Variants in HIP1 observed in about 807,000 individuals in gnomAD.
HIP1 encodes the protein huntingtin-interacting protein 1.
In HIP1, 65 loss-of-function variants were observed where a neutral mutation model predicts 147.6. The observed-to-expected ratio is 0.44, with a 90% CI of 0.36 to 0.54. The LOEUF (loss-of-function observed/expected upper bound fraction) is 0.54, where lower values mean the gene tolerates loss of function less well. Among genes scored for constraint, HIP1 ranks in the 20% least tolerant of loss-of-function variants. The pLI is 0.00. For synonymous variants in HIP1, 479 were observed against 504.0 expected (o/e 0.95, Z 0.67); for missense variants, 1,061 against 1,299.6 (o/e 0.82, Z 2.82).
chr7:75,630,977 A>G (rs1407838153), intron 1 of HIP1, among the ~76,000 whole-genome samples: 2 of 152,114 alleles, frequency 1.3e-5, no homozygotes, highest in African/African-American at 2.4e-5. Flanking sequence ...TTTTTTAGAC[A>G]GGGTCCTGCT....
chr7:75,639,197 C>A, intron 1 of HIP1: 1 of 980,490 alleles, frequency 1.0e-6, no homozygotes, highest in Non-Finnish European at 1.2e-6. Flanking sequence ...CGGACCGGGG[C>A]AGGCGGCGGC....
chr7:75,629,242 G>A (rs939789017), intron 1 of HIP1, among the ~76,000 whole-genome samples: 4 of 152,156 alleles, frequency 2.6e-5, no homozygotes, highest in Admixed American at 6.5e-5. Flanking sequence ...GCGTAAACCC[G>A]TTGGCCAGAA....
intron 2 of HIP1, among the ~76,000 whole-genome samples, chr7:75,595,607 G>T (rs1445365915): frequency 1.3e-5 from 2 of 152,032 alleles, no homozygotes; most frequent in Admixed American, 6.6e-5. Context: ...GCCTCCCAAA[G>T]TTCTGGGATT....
At chr7:75,592,169 G>T in intron 3 of HIP1, 57 bp from the exon 4 acceptor site, 1 of 1,548,874 alleles carries the variant, frequency 6.5e-7, no homozygotes. Context: ...AAGACAAAGG[G>T]AAGGAGGATG....
chr7:75,606,930 C>T (rs924471395), intron 1 of HIP1, among the ~76,000 whole-genome samples: 37 of 152,008 alleles, frequency 2.4e-4, no homozygotes, highest in African/African-American at 8.5e-4. Context: ...ATCTCTTAGG[C>T]TTAGAAAGGC....
At chr7:75,701,808 A>T (rs782291422) in intron 1 of HIP1, among the ~76,000 whole-genome samples, 22 of 152,100 alleles carry the variant, frequency 1.4e-4, no homozygotes, top group Non-Finnish European at 2.9e-4. Flanking sequence ...AGCTATGATC[A>T]CACCACTGCA....
chr7:75,661,524 G>T lies in HIP1; in HGVS notation c.121-62277C>A, dbSNP rs1489164690. On this transcript the variant is annotated intron_variant, in intron 1 of 30. Coordinates refer to ENST00000336926, the MANE Select transcript of HIP1 (RefSeq NM_005338.7). ...GGAGGCGGAGGTTGCAGTGAGCCGA[G>T]ATCATGCCGCTGCACTCCAGCCTGG... Among the ~76,000 whole-genome samples the T allele has an allele frequency of 2.2e-5, 3 of 136,968 alleles. No individual in the cohort carries two copies. The East Asian group carries it at 6.8e-4, about 31-fold the overall frequency. The allele number at this position is 136,968 out of a possible 152,430, so 89.9% of individuals were successfully genotyped here.
intron 1 of HIP1, among the ~76,000 whole-genome samples, chr7:75,647,717 C>T (rs1384267907): frequency 6.6e-6 from 1 of 152,234 alleles, no homozygotes; most frequent in African/African-American, 2.4e-5. Context: ...CTGGCAGCAG[C>T]TGGTTGGTCT....
chr7:75,722,585 AGTAT>A (rs1554521698), intron 1 of HIP1, among the ~76,000 whole-genome samples: 1 of 152,138 alleles, frequency 6.6e-6, no homozygotes, highest in African/African-American at 2.4e-5. Flanking sequence ...AGCCTGAGTA[AGTAT>A]CCGGATGCGG....
chr7:75,541,146 C>T (rs931221352), intron 29 of HIP1, among the ~76,000 whole-genome samples: 1 of 151,832 alleles, frequency 6.6e-6, no homozygotes, highest in Admixed American at 6.6e-5. Context: ...CCTGTAATCC[C>T]AGCACTTTGG....
chr7:75,694,504 T>TC (rs1554518559), intron 1 of HIP1, among the ~76,000 whole-genome samples: 2 of 132,604 alleles, frequency 1.5e-5, no homozygotes, highest in African/African-American at 6.2e-5. Flanking sequence ...TTTCTTTCTT[T>TC]CTTTTTTTTT....
intron 1 of HIP1, among the ~76,000 whole-genome samples, chr7:75,713,165 G>A (rs782425838): frequency 2.6e-5 from 4 of 152,206 alleles, no homozygotes; most frequent in South Asian, 2.1e-4. Context: ...GAACCTGGCC[G>A]GCAGTGGGCG....
At chr7:75,667,993 C>T (rs528166975) in intron 1 of HIP1, among the ~76,000 whole-genome samples, 1 of 152,144 alleles carries the variant, frequency 6.6e-6, no homozygotes, top group Non-Finnish European at 1.5e-5. Context: ...ATATCTCAAG[C>T]CCCTGTATTT....
intron 1 of HIP1, among the ~76,000 whole-genome samples, chr7:75,621,158 G>A (rs1554507039): frequency 1.3e-5 from 2 of 152,136 alleles, no homozygotes; most frequent in Non-Finnish European, 2.9e-5. Context: ...AGTGAGCTAC[G>A]ATAGGGCCAC....
rs71098042 is a variant in HIP1 at position 75,616,085 on chromosome 7, C to CAAAAAAAA, written c.121-16846_121-16839dup. ...TGGGCGACAGAGTAAGACTCTGTCT[C>CAAAAAAAA]AAAAAAAAAAAAAAAAAAAAAGAAA... On this transcript the variant is annotated intron_variant, in intron 1 of 30. Transcript: ENST00000336926. Among the ~76,000 whole-genome samples the CAAAAAAAA allele has an allele frequency of 8.8e-3, 312 of 35,302 alleles. 43 individuals carry two copies. Among genetic ancestry groups the CAAAAAAAA allele is most frequent in the African/African-American group, 0.015 (128 of 8,564 alleles). The allele number at this position is 35,302 out of a possible 152,430, so 23.2% of individuals were successfully genotyped here. A position where few individuals can be genotyped will look rare whatever the true frequency, so the allele number is the denominator to read the frequency against.
At chr7:75,711,852 G>A (rs1554520162) in intron 1 of HIP1, among the ~76,000 whole-genome samples, 1 of 152,144 alleles carries the variant, frequency 6.6e-6, no homozygotes, top group East Asian at 1.9e-4. Context: ...GAGAGAGAGG[G>A]CTCCTCCACC....
chr7:75,616,584 G>GGGA (rs782489721), intron 1 of HIP1, among the ~76,000 whole-genome samples: 5,246 of 146,020 alleles, frequency 0.036, 172 homozygotes, highest in African/African-American at 0.087. Flanking sequence ...TTTAAGGGTG[G>GGGA]GGAGGAGGAG....
chr7:75,716,266 C>T (rs963442186), intron 1 of HIP1, among the ~76,000 whole-genome samples: 3 of 151,952 alleles, frequency 2.0e-5, no homozygotes, highest in South Asian at 4.2e-4. Flanking sequence ...CTTGCTCTGT[C>T]GCCCAGGCTG....
Position 75,546,939 on chromosome 7 carries a change from C to G in HIP1, c.2559G>C (p.Arg853Ser), listed in dbSNP as rs1337999677. ...DLQREIVESG[R>S]GTASPKEFYA... ...GCCCAGGGCCCACACCCACGCTCAC[C>G]CTGCCGCTCTCCACAATCTCTCTCT... Residue 853 changes from arginine (R) to serine (S), a missense_variant and splice_region_variant, in exon 25 of 31, where the codon AGG (arginine) becomes AGC (serine). This residue lies in a region of HIP1 where 810 missense variants were observed against 946.8 expected (regional missense o/e 0.86). Transcript: ENST00000336926. The G allele has an allele frequency of 1.3e-6, 2 of 1,564,416 alleles. No individual in the cohort carries two copies. Among genetic ancestry groups the G allele is most frequent in the Non-Finnish European group, 1.7e-6 (2 of 1,153,100 alleles).
Sources: allele counts gnomAD v4.1 joint callset (sites outside exome capture counted in the v4.1 genomes callset), GRCh38; gene constraint gnomAD v4.1.1; regional missense constraint gnomAD v4.1.1; transcripts MANE v1.5; gene names NCBI Gene and HGNC (gene_info 2026-07-23, HGNC 2026-07-21).